The following SH3PXD2B variants were observed in gnomAD, a reference collection of about 807,000 sequenced individuals.
SH3PXD2B encodes SH3 and PX domain-containing protein 2B.
A neutral mutation model predicts 73.1 loss-of-function variants in SH3PXD2B; 37 were observed. The observed-to-expected ratio is 0.51, with a 90% CI of 0.39 to 0.67. The LOEUF (loss-of-function observed/expected upper bound fraction) is 0.67, where lower values mean the gene tolerates loss of function less well. SH3PXD2B is among the 30% of genes least tolerant of loss of function. The pLI, the probability that SH3PXD2B is intolerant of heterozygous loss-of-function variation, is 0.00. For synonymous variants in SH3PXD2B, 457 were observed against 480.5 expected (o/e 0.95, Z 0.64); for missense variants, 1,053 against 1,197.8 (o/e 0.88, Z 1.78).
In SH3PXD2B at chr5:172,338,568, T is replaced by C. The variant is rs373421449; in HGVS notation, c.2537A>G (p.Asn846Ser). 49 of 1,614,036 alleles carry C rather than the reference T, an allele frequency of 3.0e-5. 1 individual carries two copies. Among genetic ancestry groups the C allele is most frequent in the African/African-American group, 6.7e-5 (5 of 74,944 alleles). The stretch of plus-strand genomic sequence containing the variant: ...CAAAGAGTCCTTCAGGCCGTCGGCA[T>C]TGGGGACAGAGGCTGCAGCTGCTTT... Reference protein sequence around the residue: ...REKAAAASVPNADGLKDSLYV... With the variant: ...REKAAAASVPSADGLKDSLYV... The change falls in exon 13 of 13, where the codon AAT (asparagine) becomes AGT (serine). Residue 846 changes from asparagine (N) to serine (S), a missense_variant. Asn to Ser is a conservative substitution (Grantham distance 46, BLOSUM62 1). Around this residue, in one of 2 missense-constraint regions of SH3PXD2B, gnomAD observed 587 missense variants for 590.7 expected, o/e 0.99. Transcript: ENST00000311601. This position sits in a 1 kb window ranked among gnomAD's most constrained non-coding sequence, Gnocchi z 5.1.
At chr5:172,397,361 T>G (rs1049469804) in intron 3 of SH3PXD2B, among the ~76,000 whole-genome samples, 4 of 152,226 alleles carry the variant, frequency 2.6e-5, no homozygotes, top group Admixed American at 2.0e-4. Context: ...ATTTAAATTT[T>G]GCCCCGGTCC....
intron 2 of SH3PXD2B, among the ~76,000 whole-genome samples, chr5:172,416,855 C>G (rs1440881865): frequency 6.6e-6 from 1 of 151,926 alleles, no homozygotes; most frequent in Non-Finnish European, 1.5e-5. Flanking sequence ...GCTACAGGTG[C>G]GCACCGTCAC....
In SH3PXD2B at chr5:172,358,789, A is replaced by C; in HGVS notation, c.651T>G (p.Ser217=). The change falls in exon 8 of 13, where the codon TCT becomes TCG. Residue 217 remains serine (S), a synonymous_variant. Coordinates refer to ENST00000311601, the MANE Select transcript of SH3PXD2B (RefSeq NM_001017995.3). ...EGQDGVQDEF[S]LQPEEEEKYT... is the part of the protein sequence containing the mutation. ...CCTCCCTACCTTCTTCAGGCTGCAGAGAAAACTCATCCTGCACCCCATCCT... is the reference window on the plus strand; with the variant it reads ...CCTCCCTACCTTCTTCAGGCTGCAGCGAAAACTCATCCTGCACCCCATCCT... 1 of 1,613,170 alleles carries C rather than the reference A, an allele frequency of 6.2e-7. No individual in the cohort carries two copies. The highest frequency in any genetic ancestry group is 8.5e-7 in the Non-Finnish European group (1 of 1,179,684).
intron 1 of SH3PXD2B, among the ~76,000 whole-genome samples, chr5:172,439,172 G>A (rs1479910780): frequency 4.6e-5 from 7 of 150,934 alleles, no homozygotes; most frequent in African/African-American, 1.7e-4. Flanking sequence ...CCCTGGAGGT[G>A]GAGGCTGCAG....
chr5:172,348,659 CTAT>C (rs373173999), intron 10 of SH3PXD2B, among the ~76,000 whole-genome samples: 61,521 of 107,340 alleles, frequency 0.57, 13,470 homozygotes, highest in East Asian at 0.74. Flanking sequence ...TCTATCCTAT[CTAT>C]CTATCTATCT....
intron 3 of SH3PXD2B, among the ~76,000 whole-genome samples, chr5:172,403,813 GA>G (rs1420438879): frequency 6.6e-6 from 1 of 152,232 alleles, no homozygotes; most frequent in African/African-American, 2.4e-5. Flanking sequence ...GTGAAACCAA[GA>G]GATTCCAAAG....
rs200437307 is a variant in SH3PXD2B, at chr5:172,364,736, C to T, written c.428-1867G>A. Among the ~76,000 whole-genome samples, 18 of 152,264 alleles carry T rather than the reference C, an allele frequency of 1.2e-4. No homozygotes were observed. The East Asian group carries it at 1.7e-3, about 15-fold the overall frequency. On this transcript the variant is annotated intron_variant, in intron 6 of 12. Coordinates refer to ENST00000311601, the MANE Select transcript of SH3PXD2B (RefSeq NM_001017995.3). ...CACCCAATTGTGGAGCAGTGTGGGA[C>T]AGCCAGCGCACAGAGCTGACTTTGT...
intron 1 of SH3PXD2B, among the ~76,000 whole-genome samples, chr5:172,439,296 A>C (rs532211956): frequency 0.02 from 2,796 of 137,592 alleles, 149 homozygotes; most frequent in African/African-American, 0.067. Flanking sequence ...AAAAAACCCC[A>C]AAAAAAAACC....
At position 172,449,024 on chromosome 5, in the gene SH3PXD2B, A is replaced by G. The variant is rs143741602; in HGVS notation, c.75+5254T>C. The stretch of plus-strand genomic sequence containing the variant: ...CTGAGAATGCCAGTAATGCCTACTA[A>G]GGGCGCAATCTACTCTTCCAAACTC... On this transcript the variant is annotated intron_variant, in intron 1 of 12. Transcript: ENST00000311601. Among the ~76,000 whole-genome samples the G allele has an allele frequency of 1.2e-4, 18 of 152,300 alleles. No homozygotes were observed. In the East Asian group the frequency reaches 3.1e-3, roughly 26 times the overall value.
intron 6 of SH3PXD2B, among the ~76,000 whole-genome samples, chr5:172,371,610 C>G (rs1048940263): frequency 3.3e-5 from 5 of 152,184 alleles, no homozygotes; most frequent in Non-Finnish European, 7.4e-5. Flanking sequence ...ATGCTATTTT[C>G]CAACCAGTTG....
chr5:172,441,581 G>A (rs1258159233), intron 1 of SH3PXD2B, among the ~76,000 whole-genome samples: 4 of 152,170 alleles, frequency 2.6e-5, no homozygotes, highest in African/African-American at 7.2e-5. Context: ...CAATGTGTAC[G>A]TGTCATGATA....
At chr5:172,344,648 A>G (rs569968091) in intron 12 of SH3PXD2B, among the ~76,000 whole-genome samples, 1 of 151,970 alleles carries the variant, frequency 6.6e-6, no homozygotes, top group Admixed American at 6.6e-5. Context: ...ATACAATGAA[A>G]GAGTATGAAG....
In SH3PXD2B at chr5:172,333,917, G is replaced by A; in HGVS notation, c.*4452C>T. On this transcript the variant is annotated 3_prime_UTR_variant, in exon 13 of 13. Transcript: ENST00000311601. ...TACACGGGCACAAAGGCATACATGGGCACACACTGGGGTAAAATGTGGACA... is the reference window on the plus strand; with the variant it reads ...TACACGGGCACAAAGGCATACATGGACACACACTGGGGTAAAATGTGGACA... The A allele has an allele frequency of 1.6e-6, 2 of 1,258,338 alleles. No individual in the cohort carries two copies. The highest frequency in any genetic ancestry group is 2.0e-6 in the Non-Finnish European group (2 of 979,754). The allele number at this position is 1,258,338 out of a possible 1,614,324, so 77.9% of individuals were successfully genotyped here.
At chr5:172,347,426 G>T in intron 10 of SH3PXD2B, 94 bp from the exon 11 acceptor site, 1 of 1,282,656 alleles carries the variant, frequency 7.8e-7, no homozygotes, top group South Asian at 1.2e-5. Flanking sequence ...GCAGAAGATT[G>T]AACACAGGCG....
At chr5:172,395,588 C>T (rs915405303) in intron 3 of SH3PXD2B, among the ~76,000 whole-genome samples, 7 of 152,272 alleles carry the variant, frequency 4.6e-5, no homozygotes, top group Middle Eastern at 6.8e-3. Flanking sequence ...ATGTCATGGG[C>T]GATGCCTGTT....
At chr5:172,352,475 C>T (rs1284962214) in intron 9 of SH3PXD2B, among the ~76,000 whole-genome samples, 2 of 152,176 alleles carry the variant, frequency 1.3e-5, no homozygotes, top group African/African-American at 4.8e-5. Flanking sequence ...GATCCTCCTG[C>T]CTTACCTCCT....
chr5:172,424,980 C>T (rs1285520925), intron 1 of SH3PXD2B, among the ~76,000 whole-genome samples: 1 of 152,208 alleles, frequency 6.6e-6, no homozygotes, highest in East Asian at 1.9e-4. Flanking sequence ...GCCCACCCTT[C>T]TTCCTTGTTT....
At chr5:172,400,808 C>T (rs1400416395) in intron 3 of SH3PXD2B, among the ~76,000 whole-genome samples, 1 of 152,214 alleles carries the variant, frequency 6.6e-6, no homozygotes, top group Non-Finnish European at 1.5e-5. Context: ...CCCATTTTGA[C>T]TCCAGGGAAA....
At chr5:172,388,446 A>G (rs1365884746) in intron 4 of SH3PXD2B, among the ~76,000 whole-genome samples, 1 of 151,864 alleles carries the variant, frequency 6.6e-6, no homozygotes, top group Non-Finnish European at 1.5e-5. Flanking sequence ...TGGCCAAAAA[A>G]CTCCAAATAT....
Sources: allele counts gnomAD v4.1 joint callset (sites outside exome capture counted in the v4.1 genomes callset), GRCh38; gene constraint gnomAD v4.1.1; regional missense constraint gnomAD v4.1.1; non-coding constraint Gnocchi (gnomAD v3.1); transcripts MANE v1.5; gene names NCBI Gene and HGNC (gene_info 2026-07-23, HGNC 2026-07-21).